The following IFI35 variants were observed in gnomAD, a reference collection of about 807,000 sequenced individuals.
The protein encoded by IFI35 is interferon-induced 35 kDa protein.
Under a neutral mutation model 28.6 loss-of-function variants are expected in IFI35, and 30 were observed. The ratio of observed to expected loss-of-function variants is 1.05; its 90% CI spans 0.79 to 1.43. IFI35 has a LOEUF of 1.43. IFI35 is among the 40% of genes most tolerant of loss of function. The pLI, the probability that IFI35 is intolerant of heterozygous loss-of-function variation, is 0.00. For synonymous variants in IFI35, 146 were observed against 154.8 expected (o/e 0.94, Z 0.42); for missense variants, 372 against 356.9 (o/e 1.04, Z -0.34).
intron 1 of IFI35, among the ~76,000 whole-genome samples, chr17:43,009,536 C>T (rs71379204): frequency 3.2e-4 from 48 of 151,458 alleles, no homozygotes; most frequent in East Asian, 7.9e-4. Flanking sequence ...GGGTGGATCA[C>T]GAGGTCAAGA....
intron 1 of IFI35, among the ~76,000 whole-genome samples, chr17:43,008,343 CTT>C (rs34285823): frequency 3.5e-4 from 31 of 89,396 alleles, no homozygotes; most frequent in East Asian, 3.3e-3. Context: ...CTTTTCTTTC[CTT>C]TTTTTTTTTT....
chr17:43,010,052 G>A (rs933519015), intron 1 of IFI35, among the ~76,000 whole-genome samples: 1 of 151,364 alleles, frequency 6.6e-6, no homozygotes, highest in South Asian at 2.1e-4. Flanking sequence ...TGGCTAACAC[G>A]GTGAAACCCC....
Position 43,013,381 on chromosome 17 carries a change from T to C in IFI35, c.375+8T>C, listed in dbSNP as rs753911866. On this transcript the variant is annotated splice_region_variant and intron_variant, in intron 4 of 6. Transcript: ENST00000415816. ...ATGGTCACCACCATCCAGGTGATGG[T>C]ATGACAGAATCCTGGGGCATGCAAA... 8.7e-6 allele frequency: 14 copies of C among 1,613,742 alleles called. No individual in the cohort carries two copies. The Middle Eastern group carries it at 1.2e-3, about 133-fold the overall frequency.
At position 43,013,782 on chromosome 17, in the gene IFI35, A is replaced by G; in HGVS notation, c.569A>G (p.Gln190Arg). The G allele has an allele frequency of 1.2e-6, 2 of 1,613,484 alleles. No individual in the cohort carries two copies. Among genetic ancestry groups the G allele is most frequent in the Non-Finnish European group, 1.7e-6 (2 of 1,179,662 alleles). Residue 190 changes from glutamine to arginine, a missense_variant, in exon 6 of 7, where the codon CAG (glutamine) becomes CGG (arginine). Physicochemically the swap from Gln to Arg is conservative, Grantham distance 43. Coordinates refer to ENST00000415816, the MANE Select transcript of IFI35 (RefSeq NM_001330230.2). ...CCCTCCTTGCTCCCCACAGTGGCTC[A>G]GCGTCTGTGCCAAATCGGCCAGTTC... is the stretch of plus-strand genomic sequence containing the variant. ...MLGFARDGVA[Q>R]RLCQIGQFTV...
At position 43,014,122 on chromosome 17, in the gene IFI35, A is replaced by G; in HGVS notation, c.684A>G (p.Pro228=). Residue 228 remains proline (P), a synonymous_variant, in exon 7 of 7, where the codon CCA becomes CCG. Transcript: ENST00000415816. ...EIQKAEIRSQ[P]VPRSVLVLNI... is the part of the protein sequence containing the mutation. ...TCCTTTTCCAGATCAGGTCGCAGCCAGTTCCCCGCTCGGTACTGGTGCTCA... is the reference window on the plus strand; with the variant it reads ...TCCTTTTCCAGATCAGGTCGCAGCCGGTTCCCCGCTCGGTACTGGTGCTCA... The G allele has an allele frequency of 1.2e-6, 2 of 1,613,780 alleles. No homozygotes were observed. Among genetic ancestry groups the G allele is most frequent in the Non-Finnish European group, 1.7e-6 (2 of 1,179,926 alleles).
At chr17:43,012,313 G>C (rs928725084) in intron 2 of IFI35, 36 bp downstream of exon 2, 1 of 1,502,532 alleles carries the variant, frequency 6.7e-7, no homozygotes, top group Admixed American at 2.0e-5. Context: ...TGGTAAAAAC[G>C]AGCTGGCGAG....
intron 1 of IFI35, among the ~76,000 whole-genome samples, chr17:43,007,481 G>A (rs1470105080): frequency 6.7e-6 from 1 of 149,790 alleles, no homozygotes; most frequent in African/African-American, 2.5e-5. Flanking sequence ...CTCCAGCCTG[G>A]GTGACACAGC....
At chr17:43,011,043 G>T (rs995042108) in intron 1 of IFI35, among the ~76,000 whole-genome samples, 1 of 152,196 alleles carries the variant, frequency 6.6e-6, no homozygotes, top group African/African-American at 2.4e-5. Context: ...TTGGTGTACA[G>T]TGGAAAGTGT....
At chr17:43,007,028 A>G (rs1597775736) in intron 1 of IFI35, 60 bp downstream of exon 1, 2 of 1,562,934 alleles carry the variant, frequency 1.3e-6, no homozygotes, top group African/African-American at 2.7e-5. Context: ...TTGGCTAGGA[A>G]CCTGCAGATA....
intron 1 of IFI35, among the ~76,000 whole-genome samples, chr17:43,011,657 T>C (rs1192825442): frequency 6.6e-6 from 1 of 152,224 alleles, no homozygotes; most frequent in Non-Finnish European, 1.5e-5. Context: ...GCCTGGCATA[T>C]AGTAAGTACT....
Position 43,014,395 on chromosome 17 carries a change from A to G in IFI35, c.*96A>G. 1 of 791,398 alleles carries G rather than the reference A, an allele frequency of 1.3e-6. No homozygotes were observed. Among genetic ancestry groups the G allele is most frequent in the Non-Finnish European group, 2.0e-6 (1 of 510,288 alleles). The allele number at this position is 791,398 out of a possible 1,614,324, so 49.0% of individuals were successfully genotyped here. A position where few individuals can be genotyped will look rare whatever the true frequency, so the allele number is the denominator to read the frequency against. On this transcript the variant is annotated 3_prime_UTR_variant, in exon 7 of 7. Coordinates refer to ENST00000415816, the MANE Select transcript of IFI35 (RefSeq NM_001330230.2). ...ATAGGAGGTCTGTATGTTCACCAAC[A>G]GTGCGGAGGGGTCACACATTGCAAA...
chr17:43,008,517 A>ATTTT (rs34213054), intron 1 of IFI35, among the ~76,000 whole-genome samples: 8 of 41,068 alleles, frequency 1.9e-4, no homozygotes, highest in African/African-American at 3.0e-4. Flanking sequence ...CGCCTGGCTC[A>ATTTT]TTTTTTTTTT....
chr17:43,006,939 C>G lies in IFI35; in HGVS notation c.-9C>G. 6.2e-7 allele frequency: 1 copy of G among 1,614,052 alleles called. No individual in the cohort carries two copies. The highest frequency in any genetic ancestry group is 1.1e-5 in the South Asian group (1 of 91,084). ...AAGCCTCAGCTCTTGCCAAACAGAC[C>G]CGAGACCCATGTCAGCCCCACTGGA... On this transcript the variant is annotated 5_prime_UTR_variant, in exon 1 of 7. Coordinates refer to ENST00000415816, the MANE Select transcript of IFI35 (RefSeq NM_001330230.2).
At chr17:43,008,343 C>CTTTTT (rs34285823) in intron 1 of IFI35, among the ~76,000 whole-genome samples, 10 of 89,404 alleles carry the variant, frequency 1.1e-4, no homozygotes, top group Non-Finnish European at 1.7e-4. Context: ...CTTTTCTTTC[C>CTTTTT]TTTTTTTTTT....
intron 1 of IFI35, among the ~76,000 whole-genome samples, chr17:43,008,305 A>G (rs1473132064): frequency 7.1e-6 from 1 of 141,694 alleles, no homozygotes; most frequent in Non-Finnish European, 1.5e-5. Flanking sequence ...AAGTGCTGGG[A>G]TTACAGGTGT....
intron 1 of IFI35, among the ~76,000 whole-genome samples, chr17:43,008,610 G>A (rs191990905): frequency 5.2e-5 from 7 of 133,916 alleles, no homozygotes; most frequent in African/African-American, 1.4e-4. Context: ...AGCAAGCTCC[G>A]CCCCATGGGT....
intron 2 of IFI35, 44 bp downstream of exon 2, chr17:43,012,321 G>A (rs750062015): frequency 1.1e-5 from 16 of 1,457,188 alleles, no homozygotes; most frequent in Middle Eastern, 1.7e-4. Context: ...ACGAGCTGGC[G>A]AGGCCGGGTG....
At chr17:43,007,250 A>G (rs1175837616) in intron 1 of IFI35, among the ~76,000 whole-genome samples, 1 of 152,182 alleles carries the variant, frequency 6.6e-6, no homozygotes, top group Admixed American at 6.6e-5. Flanking sequence ...TGTGACCCAA[A>G]TAACAATTGT....
Position 43,014,275 on chromosome 17 carries a change from A to G in IFI35, c.837A>G (p.Ala279=). Residue 279 remains alanine (A), a synonymous_variant, in exon 7 of 7, where the codon GCA becomes GCG. Transcript: ENST00000415816. ...TVVPQGQQGL[A]VFTSESG ...TACCCCAAGGACAGCAGGGCCTAGC[A>G]GTCTTCACCTCTGAGTCAGGCTAGG... 1 of 1,581,184 alleles carries G rather than the reference A, an allele frequency of 6.3e-7. No individual in the cohort carries two copies. Among genetic ancestry groups the G allele is most frequent in the Non-Finnish European group, 8.6e-7 (1 of 1,165,136 alleles).
Sources: gnomAD v4.1 joint callset for allele counts (sites outside exome capture counted in the v4.1 genomes callset) on GRCh38, gnomAD v4.1.1 for gene constraint, MANE v1.5 for transcripts, NCBI Gene and HGNC (gene_info 2026-07-23, HGNC 2026-07-21) for gene names.